SREBF2: variants seen among roughly 807,000 people sequenced by gnomAD.
The protein encoded by SREBF2 is sterol regulatory element-binding protein 2.
Under a neutral mutation model 113.1 loss-of-function variants are expected in SREBF2, and 55 were observed. The ratio of observed to expected loss-of-function variants is 0.49; its 90% confidence interval spans 0.39 to 0.61. The LOEUF (loss-of-function observed/expected upper bound fraction) is 0.61, where lower values mean the gene tolerates loss of function less well. SREBF2 is among the 20% of genes least tolerant of loss of function. The pLI is 0.00. For synonymous variants in SREBF2, 593 were observed against 605.7 expected, an observed-to-expected ratio of 0.98 and a Z score of 0.31; for missense variants, 1,349 against 1,487.4, an observed-to-expected ratio of 0.91 and a Z score of 1.53.
At chr22:41,853,204 C>G (rs2076948189) in intron 1 of SREBF2, among the ~76,000 whole-genome samples, 1 of 152,210 alleles carries the variant, frequency 6.6e-6, no homozygotes, top group Non-Finnish European at 1.5e-5. Flanking sequence ...AGTTCTCCTT[C>G]ATTTTTTCAT....
chr22:41,846,109 T>TA (rs1369076622), intron 1 of SREBF2, among the ~76,000 whole-genome samples: 1 of 152,240 alleles, frequency 6.6e-6, no homozygotes, highest in Non-Finnish European at 1.5e-5. Context: ...TGCTGTTCGT[T>TA]ATCTTCCACA....
At chr22:41,840,644 A>G (rs1370780742) in intron 1 of SREBF2, among the ~76,000 whole-genome samples, 1 of 152,196 alleles carries the variant, frequency 6.6e-6, no homozygotes, top group Non-Finnish European at 1.5e-5. Flanking sequence ...TTTTGAAGGC[A>G]TTGTCTGATT....
At chr22:41,882,644 A>G (rs377537838) in intron 10 of SREBF2, among the ~76,000 whole-genome samples, 153 of 152,296 alleles carry the variant, frequency 1.0e-3, no homozygotes, top group African/African-American at 3.4e-3. Flanking sequence ...TGTCTCTACT[A>G]AAAATACAAA....
intron 1 of SREBF2, among the ~76,000 whole-genome samples, chr22:41,858,264 A>G (rs764919586): frequency 1.3e-5 from 2 of 152,166 alleles, no homozygotes; most frequent in African/African-American, 2.4e-5. Context: ...CTCTAATATG[A>G]AAGATAAAAT....
At chr22:41,866,120 A>G (rs2077072296) in intron 1 of SREBF2, among the ~76,000 whole-genome samples, 2 of 152,210 alleles carry the variant, frequency 1.3e-5, no homozygotes, top group South Asian at 2.1e-4. Context: ...CAAAACCGCT[A>G]TACTCACAGC....
chr22:41,835,066 C>A (rs1163144662), intron 1 of SREBF2, among the ~76,000 whole-genome samples: 1 of 152,074 alleles, frequency 6.6e-6, no homozygotes, highest in East Asian at 1.9e-4. Flanking sequence ...CCTGCAAGGG[C>A]ACAGAAAGAA....
intron 11 of SREBF2, among the ~76,000 whole-genome samples, chr22:41,890,230 ACT>A (rs2077346061): frequency 1.3e-5 from 2 of 151,858 alleles, no homozygotes; most frequent in African/African-American, 2.4e-5. Context: ...AGCAACCATC[ACT>A]CTCTCTCTTT....
At chr22:41,877,869 C>T in intron 8 of SREBF2, 73 bp from the exon 9 acceptor site, 3 of 1,490,172 alleles carry the variant, frequency 2.0e-6, no homozygotes, top group East Asian at 4.5e-5. Context: ...TGTGATAGTG[C>T]TGGGGTCTGT....
intron 2 of SREBF2, among the ~76,000 whole-genome samples, chr22:41,867,761 C>T (rs1452667579): frequency 6.6e-5 from 10 of 151,802 alleles, no homozygotes; most frequent in Non-Finnish European, 1.5e-4. Context: ...GAGCAGAGAT[C>T]GTGCCACTGC....
intron 13 of SREBF2, among the ~76,000 whole-genome samples, chr22:41,896,569 G>C (rs750163400): frequency 5.8e-4 from 88 of 152,156 alleles, no homozygotes; most frequent in Non-Finnish European, 5.0e-4. Flanking sequence ...CCATTGGTCA[G>C]GCTGGTCTGG....
intron 1 of SREBF2, among the ~76,000 whole-genome samples, chr22:41,855,090 C>T (rs1180721593): frequency 6.7e-6 from 1 of 148,862 alleles, no homozygotes; most frequent in Non-Finnish European, 1.5e-5. Flanking sequence ...TAGCCTTGAA[C>T]TAAAACATCA....
At position 41,854,408 on chromosome 22, in the gene SREBF2, C is replaced by T. The variant is rs533713575; in HGVS notation, c.89-12423C>T. Among the ~76,000 whole-genome samples the T allele has an allele frequency of 2.6e-5, 4 of 151,432 alleles. No homozygotes were observed. The East Asian group carries it at 6.0e-4, about 23-fold the overall frequency. ...AACTCCTGACCTCAGGTGATCCACCCGCCTCGGCCTCCCAAAGTGCTGAGA... is the reference window on the plus strand; with the variant it reads ...AACTCCTGACCTCAGGTGATCCACCTGCCTCGGCCTCCCAAAGTGCTGAGA... On this transcript the variant is annotated intron_variant, in intron 1 of 18. Coordinates refer to ENST00000361204, the MANE Select transcript of SREBF2 (RefSeq NM_004599.4).
intron 11 of SREBF2, among the ~76,000 whole-genome samples, chr22:41,885,442 G>A (rs1025678697): frequency 6.6e-6 from 1 of 152,160 alleles, no homozygotes; most frequent in African/African-American, 2.4e-5. Context: ...ACAGCACTGT[G>A]AATCCAGAAA....
rs892793691 is a variant in SREBF2, at chr22:41,833,216, C to G, written c.-55C>G. The G allele has an allele frequency of 1.4e-6, 2 of 1,427,370 alleles. No homozygotes were observed. The highest frequency in any genetic ancestry group is 3.0e-5 in the African/African-American group (2 of 67,454). 88.4% of individuals were successfully genotyped at this position (1,427,370 alleles called of 1,614,324 possible). A position where few individuals can be genotyped will look rare whatever the true frequency, so the allele number is the denominator to read the frequency against. On this transcript the variant is annotated 5_prime_UTR_variant, in exon 1 of 19. Coordinates refer to ENST00000361204, the MANE Select transcript of SREBF2 (RefSeq NM_004599.4). This position sits in a 1 kb window ranked among gnomAD's most constrained non-coding sequence, Gnocchi z 4.1. ...GTCATGGGCGGTGGCGACGGCACCG[C>G]CCCCGCGTCTCCCTGAGCGGGACGG...
intron 1 of SREBF2, among the ~76,000 whole-genome samples, chr22:41,837,046 C>T (rs76902725): frequency 0.076 from 11,565 of 152,210 alleles, 954 homozygotes; most frequent in Admixed American, 0.26. Flanking sequence ...TGTGTCTTCT[C>T]TCTCACGAAG....
At chr22:41,886,879 C>T (rs141141632) in intron 11 of SREBF2, among the ~76,000 whole-genome samples, 15 of 152,248 alleles carry the variant, frequency 9.9e-5, no homozygotes, top group Non-Finnish European at 1.6e-4. Context: ...ACTAAAAATA[C>T]AAAAATTAGC....
At chr22:41,864,323 A>ATATT (rs1445932321) in intron 1 of SREBF2, among the ~76,000 whole-genome samples, 14 of 77,914 alleles carry the variant, frequency 1.8e-4, no homozygotes, top group African/African-American at 7.2e-4. Context: ...ATATATATAT[A>ATATT]TTTTTTTTTT....
At chr22:41,873,710 C>T in intron 4 of SREBF2, 88 bp from the exon 5 acceptor site, 1 of 1,392,954 alleles carries the variant, frequency 7.2e-7, no homozygotes, top group East Asian at 2.5e-5. Flanking sequence ...TCTGGCAGCA[C>T]TTGGCCAAAG....
At chr22:41,885,254 GA>G (rs1306424025) in intron 11 of SREBF2, among the ~76,000 whole-genome samples, 6 of 152,190 alleles carry the variant, frequency 3.9e-5, no homozygotes, top group Non-Finnish European at 8.8e-5. Flanking sequence ...TTGGTCCCCT[GA>G]GGTAATATGA....
Sources: allele counts gnomAD v4.1 joint callset (sites outside exome capture counted in the v4.1 genomes callset), GRCh38; gene constraint gnomAD v4.1.1; non-coding constraint Gnocchi (gnomAD v3.1); transcripts MANE v1.5; gene names NCBI Gene and HGNC (gene_info 2026-07-23, HGNC 2026-07-21).